Variants in MZT2B observed in about 807,000 individuals in gnomAD.
MZT2B encodes mitotic-spindle organizing protein 2B.
A neutral mutation model predicts 12.1 loss-of-function variants in MZT2B; 11 were observed. That is an observed-to-expected ratio of 0.91 (90% CI 0.57 to 1.50). The LOEUF (loss-of-function observed/expected upper bound fraction) is 1.50. MZT2B is among the 40% of genes most tolerant of loss of function. MZT2B has a pLI of 0.00. For synonymous variants in MZT2B, 85 were observed against 109.5 expected (o/e 0.78, Z 1.40); for missense variants, 209 against 227.7 (o/e 0.92, Z 0.53).
chr2:130,195,544 G>A (rs900779217), downstream of MZT2B, among the ~76,000 whole-genome samples: 2 of 152,194 alleles, frequency 1.3e-5, no homozygotes, highest in Non-Finnish European at 2.9e-5. Context: ...TACATCAAAG[G>A]CTGTAAGTTA....
chr2:130,196,250 A>C, the MZT2B span: 1 of 1,613,956 alleles, frequency 6.2e-7, no homozygotes. Flanking sequence ...CCCGCCACCA[A>C]TGGTTTTATC....
At chr2:130,196,035 T>G in the MZT2B span, 2 of 1,360,694 alleles carry the variant, frequency 1.5e-6, no homozygotes. Flanking sequence ...GCCATGGGCA[T>G]ATGCCTGTCT....
At chr2:130,201,184 G>A in the MZT2B span, among the ~76,000 whole-genome samples, 1 of 152,204 alleles carries the variant, frequency 6.6e-6, no homozygotes, top group Non-Finnish European at 1.5e-5. Flanking sequence ...AAGATGCTTT[G>A]GCAAAAGGAG....
chr2:130,196,913 C>T, the MZT2B span, among the ~76,000 whole-genome samples: 1 of 152,206 alleles, frequency 6.6e-6, no homozygotes, highest in Non-Finnish European at 1.5e-5. Context: ...TCCTCGCCCT[C>T]TGGCTTCTTG....
At chr2:130,186,492 G>A (rs1039308123) in intron 2 of MZT2B, among the ~76,000 whole-genome samples, 1 of 152,236 alleles carries the variant, frequency 6.6e-6, no homozygotes, top group Non-Finnish European at 1.5e-5. Context: ...GTTGTCCAGA[G>A]CATGCATGTA....
downstream of MZT2B, among the ~76,000 whole-genome samples, chr2:130,192,439 T>G (rs1298560729): frequency 2.0e-5 from 3 of 152,210 alleles, no homozygotes; most frequent in Admixed American, 2.0e-4. Flanking sequence ...GCTGCTTGTC[T>G]TCTTTGTAGA....
In MZT2B at chr2:130,184,083, T is replaced by C. The variant is rs529695196; in HGVS notation, c.319+1308T>C. On this transcript the variant is annotated intron_variant, in intron 2 of 2. Transcript: ENST00000281871. ...TCCAAGGGCAGGACCATGCAGGCCA[T>C]CGCTGCCCTGCCGCTTAGCCACAGG... 299 of 1,545,706 alleles carry C rather than the reference T, an allele frequency of 1.9e-4. 1 individual carries two copies. The Middle Eastern group carries it at 3.4e-3, about 18-fold the overall frequency.
chr2:130,204,703 AAG>A, the MZT2B span, among the ~76,000 whole-genome samples: 3 of 53,638 alleles, frequency 5.6e-5, 1 homozygote, highest in African/African-American at 6.0e-5. Context: ...AAAAAAAAAA[AAG>A]GGGGGGTGGG....
At position 130,184,130 on chromosome 2, in the gene MZT2B, A is replaced by G. The variant is rs1199000482; in HGVS notation, c.319+1355A>G. Reference sequence around the variant, plus strand: ...CAGGGCACGATTTCTGACTCGGTTTATTAGAGACATAGTGTGGCAGTCTCT... The same window carrying G: ...CAGGGCACGATTTCTGACTCGGTTTGTTAGAGACATAGTGTGGCAGTCTCT... On this transcript the variant is annotated intron_variant, in intron 2 of 2. Transcript: ENST00000281871. 4.6e-6 allele frequency: 7 copies of G among 1,508,662 alleles called. No individual in the cohort carries two copies. The African/African-American group carries it at 8.3e-5, about 18-fold the overall frequency. The allele number at this position is 1,508,662 out of a possible 1,614,324, so 93.5% of individuals were successfully genotyped here.
At chr2:130,194,480 G>T (rs2463340), downstream of MZT2B, 14 of 1,443,302 alleles carry the variant, frequency 9.7e-6, no homozygotes, top group Non-Finnish European at 1.3e-5. Context: ...AGAGAAACCA[G>T]ACAACGTGAG....
chr2:130,193,495 G>A (rs1690320477), downstream of MZT2B, among the ~76,000 whole-genome samples: 1 of 151,296 alleles, frequency 6.6e-6, no homozygotes, highest in South Asian at 2.1e-4. Context: ...TGTAATCCCA[G>A]CTACTTGGGA....
At chr2:130,182,213 G>A (rs566281698), upstream of MZT2B, 7 of 1,237,320 alleles carry the variant, frequency 5.7e-6, no homozygotes, top group Non-Finnish European at 3.0e-6. Flanking sequence ...GACGCTGCAG[G>A]GAGAGGGTGG....
At chr2:130,198,559 G>A in the MZT2B span, 2 of 588,702 alleles carry the variant, frequency 3.4e-6, 1 homozygote, top group Non-Finnish European at 5.4e-6. Context: ...TGCTCAACAC[G>A]TGTAGTGGGG....
the MZT2B span, chr2:130,204,503 C>T: frequency 1.3e-5 from 4 of 316,436 alleles, no homozygotes; most frequent in South Asian, 2.8e-5. Flanking sequence ...CCAGCCTGGC[C>T]AACATGGTGA....
intron 2 of MZT2B, chr2:130,184,277 C>T (rs1689963513): frequency 1.0e-6 from 1 of 985,338 alleles, no homozygotes; most frequent in African/African-American, 1.7e-5. Flanking sequence ...GTGCGGTGTG[C>T]TGTGCTGGAG....
At chr2:130,185,422 G>A (rs933813549) in intron 2 of MZT2B, among the ~76,000 whole-genome samples, 25 of 150,270 alleles carry the variant, frequency 1.7e-4, no homozygotes, top group Admixed American at 4.0e-4. Context: ...GGATGTTGCC[G>A]TGAGCCAAGA....
At chr2:130,195,118 C>CT (rs1690372174), downstream of MZT2B, 1 of 1,612,122 alleles carries the variant, frequency 6.2e-7, no homozygotes, top group Non-Finnish European at 8.5e-7. Context: ...CAACAATCTC[C>CT]TTGCCGATGG....
At chr2:130,184,591 C>T (rs1057082060) in intron 2 of MZT2B, 1 of 985,284 alleles carries the variant, frequency 1.0e-6, no homozygotes, top group Non-Finnish European at 1.2e-6. Flanking sequence ...CAGCGCCCAC[C>T]TCACTGCCAC....
At chr2:130,195,545 C>T (rs559714146), downstream of MZT2B, among the ~76,000 whole-genome samples, 3 of 152,364 alleles carry the variant, frequency 2.0e-5, no homozygotes, top group African/African-American at 4.8e-5. Context: ...ACATCAAAGG[C>T]TGTAAGTTAA....
Sources: allele counts gnomAD v4.1 joint callset (sites outside exome capture counted in the v4.1 genomes callset), GRCh38; gene constraint gnomAD v4.1.1; transcripts MANE v1.5; gene names NCBI Gene and HGNC (gene_info 2026-07-23, HGNC 2026-07-21).